DPP10: variants seen among roughly 807,000 people sequenced by gnomAD.
DPP10 encodes the protein inactive dipeptidyl peptidase 10.
A neutral mutation model predicts 120.9 loss-of-function variants in DPP10; 33 were observed. That is an observed-to-expected ratio of 0.27 (90% CI 0.21 to 0.37). DPP10 has a LOEUF of 0.37. Among genes scored for constraint, DPP10 ranks in the 10% least tolerant of loss-of-function variants. The probability of loss-of-function intolerance (pLI) is 1.00; values close to 1 mark genes in which losing one functional copy is unlikely to be tolerated. For missense variants in DPP10, 816 were observed against 942.8 expected (o/e 0.87, Z 1.76); for synonymous variants, 337 against 326.1 (o/e 1.03, Z -0.36).
At chr2:115,617,107 A>G (rs1231213121) in intron 5 of DPP10, among the ~76,000 whole-genome samples, 1 of 149,906 alleles carries the variant, frequency 6.7e-6, no homozygotes, top group Non-Finnish European at 1.5e-5. Flanking sequence ...AATTTTTTTC[A>G]GGTGCTGGGG....
chr2:114,792,497 C>T (rs570647889), intron 1 of DPP10, among the ~76,000 whole-genome samples: 5 of 152,332 alleles, frequency 3.3e-5, no homozygotes, highest in South Asian at 2.1e-4. Flanking sequence ...AGGCCTGAGT[C>T]GGATATCTTC....
At chr2:115,217,191 G>A (rs1369015867) in intron 1 of DPP10, among the ~76,000 whole-genome samples, 1 of 152,042 alleles carries the variant, frequency 6.6e-6, no homozygotes, top group East Asian at 1.9e-4. Context: ...TGAATCCTAC[G>A]TCTGCTAATT....
intron 1 of DPP10, among the ~76,000 whole-genome samples, chr2:115,258,461 C>T (rs1434599471): frequency 2.7e-5 from 4 of 146,042 alleles, no homozygotes; most frequent in Non-Finnish European, 6.0e-5. Flanking sequence ...AGCTTACACA[C>T]TGTAGTATCC....
chr2:114,830,184 G>C (rs1351838653), intron 1 of DPP10, among the ~76,000 whole-genome samples: 1 of 150,764 alleles, frequency 6.6e-6, no homozygotes, highest in African/African-American at 2.4e-5. Flanking sequence ...TCCCGTTATT[G>C]CCCAGAAGAT....
At chr2:115,475,043 AG>A (rs1011836364) in intron 3 of DPP10, among the ~76,000 whole-genome samples, 1 of 152,138 alleles carries the variant, frequency 6.6e-6, no homozygotes, top group Non-Finnish European at 1.5e-5. Context: ...AGCCATTTGC[AG>A]GGGAGGAATT....
In DPP10 at chr2:114,954,080, C is replaced by CT. The variant is rs66485866; in HGVS notation, c.61-355141dup. On this transcript the variant is annotated intron_variant, in intron 1 of 25. Transcript: ENST00000410059. The stretch of plus-strand genomic sequence containing the variant: ...GAGTTAAAGATGAGATTAAGAAGTC[C>CT]TTTTTTTTTTTTTTTTTTGATACAG... Among the ~76,000 whole-genome samples, 512 of 122,042 alleles carry CT rather than the reference C, an allele frequency of 4.2e-3. 30 individuals are homozygous for CT. The highest frequency in any genetic ancestry group is 0.013 in the African/African-American group (415 of 32,578). The allele number at this position is 122,042 out of a possible 152,430, so 80.1% of individuals were successfully genotyped here.
chr2:115,136,505 T>C (rs72837527), intron 1 of DPP10, among the ~76,000 whole-genome samples: 9,091 of 152,296 alleles, frequency 0.06, 395 homozygotes, highest in East Asian at 0.23. Flanking sequence ...AGCTCATGTA[T>C]ATGTATTCTC....
At chr2:114,676,647 CA>C (rs1400423912) in intron 1 of DPP10, among the ~76,000 whole-genome samples, 1 of 152,056 alleles carries the variant, frequency 6.6e-6, no homozygotes, top group Non-Finnish European at 1.5e-5. Flanking sequence ...ATGACTGGAA[CA>C]AGGCTTAAGA....
intron 7 of DPP10, among the ~76,000 whole-genome samples, chr2:115,706,394 C>G (rs2092106279): frequency 6.6e-6 from 1 of 151,860 alleles, no homozygotes; most frequent in Non-Finnish European, 1.5e-5. Flanking sequence ...CTGCTCATAA[C>G]ATAATATTAA....
chr2:115,136,817 T>A (rs547809980), intron 1 of DPP10, among the ~76,000 whole-genome samples: 1 of 152,278 alleles, frequency 6.6e-6, no homozygotes, highest in East Asian at 1.9e-4. Flanking sequence ...ATATTTAAAA[T>A]CCCTAGTGTA....
intron 1 of DPP10, among the ~76,000 whole-genome samples, chr2:115,153,955 T>C (rs1432302734): frequency 6.6e-6 from 1 of 152,212 alleles, no homozygotes; most frequent in African/African-American, 2.4e-5. Context: ...CAATTCCCCT[T>C]ACCCTCTTTC....
intron 1 of DPP10, among the ~76,000 whole-genome samples, chr2:114,832,596 TG>T (rs1687239688): frequency 6.6e-6 from 1 of 152,238 alleles, no homozygotes; most frequent in South Asian, 2.1e-4. Context: ...ATGACCATTT[TG>T]GATTGCTGTA....
intron 2 of DPP10, among the ~76,000 whole-genome samples, chr2:115,326,594 A>C (rs2062379217): frequency 6.6e-6 from 1 of 152,032 alleles, no homozygotes; most frequent in Admixed American, 6.6e-5. Context: ...AGCCCCATGC[A>C]CCTTATTTAC....
At chr2:115,145,287 T>A (rs768972541) in intron 1 of DPP10, among the ~76,000 whole-genome samples, 5 of 152,140 alleles carry the variant, frequency 3.3e-5, no homozygotes, top group Admixed American at 6.6e-5. Context: ...AGTTTCCCAT[T>A]CTCTGCCTAT....
chr2:114,609,732 T>G (rs1693128844), intron 1 of DPP10, among the ~76,000 whole-genome samples: 1 of 152,114 alleles, frequency 6.6e-6, no homozygotes, highest in Admixed American at 6.5e-5. Flanking sequence ...ATGGAAAGGG[T>G]TCCTCTTGAA....
chr2:115,623,322 A>T (rs2085115551), intron 5 of DPP10, among the ~76,000 whole-genome samples: 1 of 152,180 alleles, frequency 6.6e-6, no homozygotes, highest in Non-Finnish European at 1.5e-5. Flanking sequence ...TGTTTTATTT[A>T]CAAGTGATTG....
chr2:115,643,123 T>C (rs2086919996), intron 5 of DPP10, among the ~76,000 whole-genome samples: 1 of 151,210 alleles, frequency 6.6e-6, no homozygotes. Context: ...CAGTCTTGAC[T>C]CTAGAAATAA....
chr2:115,251,558 T>C (rs1459641696), intron 1 of DPP10, among the ~76,000 whole-genome samples: 1 of 152,012 alleles, frequency 6.6e-6, no homozygotes, highest in African/African-American at 2.4e-5. Context: ...GGCAAAAGTG[T>C]AAAATAAATA....
chr2:114,708,996 C>G (rs1700856225), intron 1 of DPP10, among the ~76,000 whole-genome samples: 1 of 152,108 alleles, frequency 6.6e-6, no homozygotes, highest in African/African-American at 2.4e-5. Context: ...CCTCAAGGGA[C>G]CCACCCGCCT....
Sources: allele counts gnomAD v4.1 joint callset (sites outside exome capture counted in the v4.1 genomes callset), GRCh38; gene constraint gnomAD v4.1.1; transcripts MANE v1.5; gene names NCBI Gene and HGNC (gene_info 2026-07-23, HGNC 2026-07-21).